Variants in TBXAS1 observed in about 807,000 individuals in gnomAD.
TBXAS1 encodes the protein thromboxane-A synthase.
In TBXAS1, 48 loss-of-function variants were observed where a neutral mutation model predicts 60.7. The observed-to-expected ratio is 0.79, with a 90% CI of 0.63 to 1.01. TBXAS1 has a LOEUF of 1.01. Among genes scored for constraint, TBXAS1 ranks in the 50% least tolerant of loss-of-function variants. The pLI is 0.00. For synonymous variants in TBXAS1, 287 were observed against 269.7 expected, an observed-to-expected ratio of 1.06 and a Z score of -0.63; for missense variants, 685 against 686.3, an observed-to-expected ratio of 1.00 and a Z score of 0.02.
chr7:139,960,619 G>A (rs908441784), intron 8 of TBXAS1, among the ~76,000 whole-genome samples: 32 of 151,810 alleles, frequency 2.1e-4, no homozygotes, highest in African/African-American at 7.8e-4. Context: ...GGTGGCACAT[G>A]CCTATAGTCC....
chr7:140,017,867 GCAGGGGTGGGAGGGCCACCC>G, intron 12 of TBXAS1, 34 bp downstream of exon 12: 1 of 1,613,962 alleles, frequency 6.2e-7, no homozygotes, highest in Non-Finnish European at 8.5e-7. Context: ...AGGGGCAGGG[GCAGGGGTGGGAGGGCCACCC>G]CAGTTCTCTG....
chr7:139,993,290 T>C (rs1306436529), intron 9 of TBXAS1, among the ~76,000 whole-genome samples: 2 of 152,142 alleles, frequency 1.3e-5, no homozygotes, highest in Non-Finnish European at 2.9e-5. Context: ...TATGATCATG[T>C]TGGGGAATAG....
chr7:139,956,422 A>C (rs536354998), intron 7 of TBXAS1, among the ~76,000 whole-genome samples: 10 of 152,344 alleles, frequency 6.6e-5, no homozygotes, highest in African/African-American at 2.4e-4. Context: ...CTGGGATTAC[A>C]AGCGTGAGCC....
chr7:139,970,994 G>A (rs912582367), intron 9 of TBXAS1, among the ~76,000 whole-genome samples: 1 of 152,134 alleles, frequency 6.6e-6, no homozygotes, highest in African/African-American at 2.4e-5. Context: ...GGGAGGCCAT[G>A]CCAAACAACT....
chr7:139,805,698 CTTTCTTTCTT>C (rs781023615), intron 4 of TBXAS1, among the ~76,000 whole-genome samples: 89 of 31,096 alleles, frequency 2.9e-3, no homozygotes, highest in Middle Eastern at 0.016. Context: ...TTCTTTCTTT[CTTTCTTTCTT>C]TCTTTCTCTC....
At chr7:139,858,737 G>C (rs1194743802) in intron 1 of TBXAS1, among the ~76,000 whole-genome samples, 2 of 152,202 alleles carry the variant, frequency 1.3e-5, no homozygotes, top group African/African-American at 4.8e-5. Flanking sequence ...GTCTTCCTCG[G>C]ACCATCCTTG....
At position 139,861,985 on chromosome 7, in the gene TBXAS1, A is replaced by G. The variant is rs60628521; in HGVS notation, c.90-10250A>G. Among the ~76,000 whole-genome samples the G allele has an allele frequency of 8.6e-3, 1,315 of 152,340 alleles. 27 individuals are homozygous for G. The highest frequency in any genetic ancestry group is 0.03 in the African/African-American group (1,231 of 41,568). On this transcript the variant is annotated intron_variant, in intron 1 of 12. Transcript: ENST00000448866. ...AACTGGGAGGGACAGTCATGTCTTA[A>G]CCCATTATGCAATCTACTGTGTCTC...
At chr7:140,016,190 T>C (rs529550055) in intron 11 of TBXAS1, among the ~76,000 whole-genome samples, 29 of 151,952 alleles carry the variant, frequency 1.9e-4, no homozygotes, top group Admixed American at 1.0e-3. Flanking sequence ...TAGCTGGGCG[T>C]GGTGGCGGGC....
In TBXAS1 at chr7:139,962,253, A is replaced by G. The variant is rs1409864009; in HGVS notation, c.1134+20A>G. 1.2e-6 allele frequency: 2 copies of G among 1,613,772 alleles called. No individual in the cohort carries two copies. Among genetic ancestry groups the G allele is most frequent in the African/African-American group, 2.7e-5 (2 of 75,070 alleles). On this transcript the variant is annotated intron_variant, in intron 9 of 12. Coordinates refer to ENST00000448866, the MANE Select transcript of TBXAS1 (RefSeq NM_001061.7). ...AAACACGTGAGTACAAGTTGGATCC[A>G]GTTACCCATGGGATATCCATAGGAC...
In TBXAS1 at chr7:139,975,270, A is replaced by C. The variant is rs41714; in HGVS notation, c.1134+13037A>C. Among the ~76,000 whole-genome samples the C allele has an allele frequency of 1.2e-3, 179 of 152,320 alleles. No individual in the cohort carries two copies. The highest frequency in any genetic ancestry group is 3.3e-3 in the Admixed American group (51 of 15,310). ...CATGTTTGATTAAATAACTGCACAC[A>C]ATAGCCTAGCAAAGTTGACACAAAA... is the stretch of plus-strand genomic sequence containing the variant. On this transcript the variant is annotated intron_variant, in intron 9 of 12. Transcript: ENST00000448866. This position sits in a 1 kb window ranked among gnomAD's most constrained non-coding sequence, Gnocchi z 4.4.
chr7:139,843,217 A>G (rs558472432), intron 1 of TBXAS1, among the ~76,000 whole-genome samples: 1 of 151,424 alleles, frequency 6.6e-6, no homozygotes, highest in Admixed American at 6.6e-5. Flanking sequence ...TCTAAATGTC[A>G]CTCTTCCATA....
chr7:139,972,254 GCAAATCAGAGTCTTTCATATT>G (rs1811261099), intron 9 of TBXAS1, among the ~76,000 whole-genome samples: 1 of 152,226 alleles, frequency 6.6e-6, no homozygotes, highest in East Asian at 1.9e-4. Context: ...CTTTCATGTA[GCAAATCAGAGTCTTTCATATT>G]CAATAGCTGG....
intron 3 of TBXAS1, among the ~76,000 whole-genome samples, chr7:139,901,356 C>G (rs1804559530): frequency 2.0e-5 from 3 of 150,588 alleles, no homozygotes; most frequent in Admixed American, 1.3e-4. Context: ...CAGGAAGACT[C>G]CCAAGGTGAC....
At chr7:139,820,536 G>A (rs1222536106) in intron 4 of TBXAS1, among the ~76,000 whole-genome samples, 3 of 152,118 alleles carry the variant, frequency 2.0e-5, no homozygotes, top group Non-Finnish European at 4.4e-5. Flanking sequence ...GGCTATCATC[G>A]GAGGAGGTCT....
chr7:139,874,597 C>T (rs986335074), intron 2 of TBXAS1, among the ~76,000 whole-genome samples: 9 of 152,196 alleles, frequency 5.9e-5, no homozygotes, highest in Non-Finnish European at 1.5e-5. Context: ...AGGACATCCA[C>T]ACTCCTAACC....
intron 1 of TBXAS1, among the ~76,000 whole-genome samples, chr7:139,866,867 AG>A (rs1801456286): frequency 6.6e-6 from 1 of 152,242 alleles, no homozygotes; most frequent in African/African-American, 2.4e-5. Context: ...GACAATATAA[AG>A]AGAGTAGGCT....
intron 4 of TBXAS1, among the ~76,000 whole-genome samples, chr7:139,795,614 G>T (rs570776915): frequency 8.1e-6 from 1 of 123,316 alleles, no homozygotes; most frequent in Non-Finnish European, 1.8e-5. Context: ...GAATGGTAAT[G>T]CCTAGGTTTT....
chr7:139,935,709 C>G (rs796337063), intron 4 of TBXAS1, among the ~76,000 whole-genome samples: 39 of 152,210 alleles, frequency 2.6e-4, no homozygotes, highest in African/African-American at 9.2e-4. Flanking sequence ...TCCCCCTTCC[C>G]TCTCCCTCCA....
intron 3 of TBXAS1, among the ~76,000 whole-genome samples, chr7:139,899,335 G>C (rs1276087747): frequency 2.0e-5 from 3 of 152,152 alleles, no homozygotes; most frequent in African/African-American, 7.2e-5. Flanking sequence ...ACAGTCTATA[G>C]CTCGGTCACC....
Sources: gnomAD v4.1 joint callset for allele counts (sites outside exome capture counted in the v4.1 genomes callset) on GRCh38, gnomAD v4.1.1 for gene constraint, Gnocchi (gnomAD v3.1) non-coding constraint, MANE v1.5 for transcripts, NCBI Gene and HGNC (gene_info 2026-07-23, HGNC 2026-07-21) for gene names.